The following SLC15A5 variants were observed in gnomAD, a reference collection of about 807,000 sequenced individuals.
The protein encoded by SLC15A5 is solute carrier family 15 member 5, also known as Peptide/histidine transporter ENSP00000340402.
A neutral mutation model predicts 56.1 loss-of-function variants in SLC15A5; 58 were observed. That is an observed-to-expected ratio of 1.03 (90% CI 0.84 to 1.29). SLC15A5 has a LOEUF of 1.29. Among genes scored for constraint, SLC15A5 ranks in the 50% most tolerant of loss-of-function variants. The pLI is 0.00. For synonymous variants in SLC15A5, 264 were observed against 250.5 expected (o/e 1.05, Z -0.51); for missense variants, 681 against 672.1 (o/e 1.01, Z -0.15).
intron 5 of SLC15A5, among the ~76,000 whole-genome samples, chr12:16,233,294 G>A (rs1469011935): frequency 6.6e-6 from 1 of 152,058 alleles, no homozygotes; most frequent in Non-Finnish European, 1.5e-5. Context: ...CCAGTAATAA[G>A]TACTTCAGAC....
intron 7 of SLC15A5, among the ~76,000 whole-genome samples, chr12:16,200,811 T>A (rs2136239790): frequency 6.6e-6 from 1 of 151,922 alleles, no homozygotes; most frequent in Middle Eastern, 3.4e-3. Flanking sequence ...TTAAAATAAA[T>A]CAAATAAACA....
chr12:16,217,031 G>GA lies in SLC15A5; in HGVS notation c.1352-8dup. ...CTGTATGATATTACAGAGACTGAGA[G>GA]AAAAAGAGAGGTCAGAATTTAGAAC... On this transcript the variant is annotated splice_polypyrimidine_tract_variant and splice_region_variant and intron_variant, in intron 6 of 8. Transcript: ENST00000344941. 1 of 1,527,082 alleles carries GA rather than the reference G, an allele frequency of 6.5e-7. No homozygotes were observed. The highest frequency in any genetic ancestry group is 8.7e-7 in the Non-Finnish European group (1 of 1,144,010). 94.6% of individuals were successfully genotyped at this position (1,527,082 alleles called of 1,614,324 possible).
At chr12:16,221,134 T>A (rs922303686) in intron 6 of SLC15A5, among the ~76,000 whole-genome samples, 4 of 152,184 alleles carry the variant, frequency 2.6e-5, no homozygotes, top group African/African-American at 9.6e-5. Context: ...TTGTACCATA[T>A]AGAAATAGCC....
rs1319587447 is a variant in SLC15A5, at chr12:16,277,310, G to T, written c.361+15C>A. 6.7e-7 allele frequency: 1 copy of T among 1,497,330 alleles called. No homozygotes were observed. The highest frequency in any genetic ancestry group is 2.5e-5 in the East Asian group (1 of 40,454). 92.8% of individuals were successfully genotyped at this position (1,497,330 alleles called of 1,614,324 possible). A position where few individuals can be genotyped will look rare whatever the true frequency, so the allele number is the denominator to read the frequency against. The stretch of plus-strand genomic sequence containing the variant: ...ATTAAGTCACAAAACAATCCAGTCA[G>T]CAGAGGACACTCACCTAGAAAATGT... On this transcript the variant is annotated intron_variant, in intron 1 of 8. Transcript: ENST00000344941.
At chr12:16,270,322 G>A (rs1361913630) in intron 2 of SLC15A5, among the ~76,000 whole-genome samples, 1 of 152,158 alleles carries the variant, frequency 6.6e-6, no homozygotes, top group Non-Finnish European at 1.5e-5. Flanking sequence ...AAATAGGACT[G>A]AATAAAGCCT....
intron 7 of SLC15A5, among the ~76,000 whole-genome samples, chr12:16,205,552 ATATATATTCCATAAGAAGGGAAAGGTG>A (rs1384104927): frequency 9.3e-4 from 1 of 1,074 alleles, no homozygotes; most frequent in East Asian, 0.071. Context: ...ATATGTATAT[ATATATATTCCATAAGAAGGGAAAGGTG>A]CATATATATA....
At chr12:16,217,144 G>T in intron 6 of SLC15A5, 120 bp from the exon 7 acceptor site, 1 of 1,044,548 alleles carries the variant, frequency 9.6e-7, no homozygotes, top group Non-Finnish European at 1.3e-6. Context: ...AAAAATTTGG[G>T]TTGGACTTTG....
intron 2 of SLC15A5, among the ~76,000 whole-genome samples, chr12:16,261,381 T>C (rs938040556): frequency 1.3e-5 from 2 of 152,230 alleles, no homozygotes; most frequent in African/African-American, 4.8e-5. Context: ...CATAATTATT[T>C]TGAGATTCAT....
intron 8 of SLC15A5, among the ~76,000 whole-genome samples, chr12:16,190,478 A>G (rs927519072): frequency 6.6e-6 from 1 of 152,180 alleles, no homozygotes; most frequent in Admixed American, 6.5e-5. Flanking sequence ...CTAAAGACAA[A>G]TTACTTTCTT....
intron 5 of SLC15A5, among the ~76,000 whole-genome samples, chr12:16,225,623 A>G (rs944236035): frequency 2.0e-5 from 3 of 152,206 alleles, no homozygotes; most frequent in Non-Finnish European, 2.9e-5. Flanking sequence ...AAACAACCCC[A>G]TCAAAAAGTG....
intron 7 of SLC15A5, among the ~76,000 whole-genome samples, chr12:16,214,661 C>G (rs1334090566): frequency 6.6e-6 from 1 of 152,178 alleles, no homozygotes; most frequent in African/African-American, 2.4e-5. Flanking sequence ...GTGGTTAGTG[C>G]ATACCTGGGG....
At chr12:16,210,397 A>G (rs2136243839) in intron 7 of SLC15A5, among the ~76,000 whole-genome samples, 1 of 152,270 alleles carries the variant, frequency 6.6e-6, no homozygotes, top group African/African-American at 2.4e-5. Context: ...GTACAACTGA[A>G]CTCTGCAAAT....
chr12:16,246,228 A>G (rs1388145461), intron 3 of SLC15A5, among the ~76,000 whole-genome samples: 2 of 152,208 alleles, frequency 1.3e-5, no homozygotes, highest in Admixed American at 1.3e-4. Flanking sequence ...TGCCTGAAGT[A>G]GATGAAGGCC....
In SLC15A5 at chr12:16,277,643, A is replaced by G. The variant is rs1864834131; in HGVS notation, c.43T>C (p.Leu15=). 2.6e-6 allele frequency: 4 copies of G among 1,535,908 alleles called. No homozygotes were observed. The African/African-American group carries it at 4.1e-5, about 16-fold the overall frequency. The change falls in exon 1 of 9, where the codon TTA becomes CTA. Residue 15 remains leucine (L), a synonymous_variant. Coordinates refer to ENST00000344941, the MANE Select transcript of SLC15A5 (RefSeq NM_001170798.1). ...TTCTCCTTCTCAATGCTGTGATATAAGTGTACTTTCTCATCAGTTATGGTA... is the reference window on the plus strand; with the variant it reads ...TTCTCCTTCTCAATGCTGTGATATAGGTGTACTTTCTCATCAGTTATGGTA... ...GFTITDEKVH[L]YHSIEKEKTV... is the part of the protein sequence containing the mutation.
At chr12:16,218,675 T>C (rs1197360546) in intron 6 of SLC15A5, among the ~76,000 whole-genome samples, 1 of 152,138 alleles carries the variant, frequency 6.6e-6, no homozygotes, top group African/African-American at 2.4e-5. Context: ...TAAAATATGA[T>C]ACTATAATCT....
chr12:16,211,126 A>G (rs1444186024), intron 7 of SLC15A5, among the ~76,000 whole-genome samples: 1 of 152,204 alleles, frequency 6.6e-6, no homozygotes. Flanking sequence ...CTCTAAACCC[A>G]AATCCCATAT....
intron 1 of SLC15A5, 150 bp downstream of exon 1, chr12:16,277,175 T>C: frequency 1.3e-6 from 1 of 778,704 alleles, no homozygotes; most frequent in Non-Finnish European, 2.0e-6. Context: ...CTTCAAATAG[T>C]ACAAAGAATG....
chr12:16,216,337 T>G (rs1864129617), intron 7 of SLC15A5, among the ~76,000 whole-genome samples: 2 of 152,216 alleles, frequency 1.3e-5, no homozygotes, highest in South Asian at 4.1e-4. Flanking sequence ...AAAATTTGCT[T>G]TAGTCTAATA....
rs377439403 is a variant in SLC15A5, at chr12:16,235,733, G to A, written c.1162+3948C>T. On this transcript the variant is annotated intron_variant, in intron 5 of 8. Transcript: ENST00000344941. The surrounding 1 kb of genome is among the most constrained non-coding windows in gnomAD (Gnocchi z 4.1). Reference sequence around the variant, plus strand: ...TGATGTTTCTTGGGAAAATATATCAGTTTGAAAGCTGTATCAAAAAAGAAT... The same window carrying A: ...TGATGTTTCTTGGGAAAATATATCAATTTGAAAGCTGTATCAAAAAAGAAT... Among the ~76,000 whole-genome samples the A allele has an allele frequency of 2.6e-5, 4 of 152,112 alleles. No homozygotes were observed. The highest frequency in any genetic ancestry group is 9.7e-5 in the African/African-American group (4 of 41,440).
Sources: allele counts gnomAD v4.1 joint callset (sites outside exome capture counted in the v4.1 genomes callset), GRCh38; gene constraint gnomAD v4.1.1; non-coding constraint Gnocchi (gnomAD v3.1); transcripts MANE v1.5; gene names NCBI Gene and HGNC (gene_info 2026-07-23, HGNC 2026-07-21).